ASMTL: variants seen among roughly 807,000 people sequenced by gnomAD.
ASMTL encodes probable bifunctional dTTP/UTP pyrophosphatase/methyltransferase protein.
A neutral mutation model predicts 60.3 loss-of-function variants in ASMTL; 57 were observed. The observed-to-expected ratio is 0.95, with a 90% CI of 0.76 to 1.18. ASMTL has a LOEUF of 1.18. Among genes scored for constraint, ASMTL ranks in the 50% most tolerant of loss-of-function variants. The pLI is 0.00. For synonymous variants in ASMTL, 419 were observed against 373.0 expected, an observed-to-expected ratio of 1.12 and a Z score of -1.42; for missense variants, 981 against 852.6, an observed-to-expected ratio of 1.15 and a Z score of -1.88.
chrX:1,412,497 G>T lies in ASMTL; in HGVS notation c.1645+235C>A, dbSNP rs764305984. Reference sequence around the variant, plus strand: ...CCTGCCTCAGCCTCCCAAAGTGCTGGGATTATAGGCATGAGCCACCACGCC... The same window carrying T: ...CCTGCCTCAGCCTCCCAAAGTGCTGTGATTATAGGCATGAGCCACCACGCC... On this transcript the variant is annotated intron_variant, in intron 12 of 12. Coordinates refer to ENST00000381317, the MANE Select transcript of ASMTL (RefSeq NM_004192.4). Among the ~76,000 whole-genome samples the T allele has an allele frequency of 2.6e-5, 4 of 152,258 alleles. No individual in the cohort carries two copies. The South Asian group carries it at 8.3e-4, about 32-fold the overall frequency.
chrX:1,417,187 A>AACCACT (rs2090316373), intron 11 of ASMTL, among the ~76,000 whole-genome samples: 3 of 152,040 alleles, frequency 2.0e-5, no homozygotes, highest in African/African-American at 7.2e-5. Context: ...GCATGCACAC[A>AACCACT]GATGCAGACG....
At chrX:1,414,723 C>G (rs113491983) in intron 11 of ASMTL, among the ~76,000 whole-genome samples, 15,328 of 152,004 alleles carry the variant, frequency 0.1, 908 homozygotes, top group Admixed American at 0.14. Flanking sequence ...AAATAAATTT[C>G]AGCATTTCTG....
rs375479988 is a variant in ASMTL at position 1,432,298 on chromosome X, G to A, written c.480C>T (p.Leu160=). The A allele has an allele frequency of 6.2e-7, 1 of 1,612,322 alleles. No homozygotes were observed. The highest frequency in any genetic ancestry group is 8.5e-7 in the Non-Finnish European group (1 of 1,179,432). The part of the protein sequence containing the change: ...VKFSELSEEL[L]WEYVHSGEPM... ...GCTCCCCGCTGTGGACGTATTCCCA[G>A]AGCAGCTCCTCGGACAGCTCCGAGA... Residue 160 remains leucine, a synonymous_variant, in exon 6 of 13, where the codon CTC becomes CTT. Coordinates refer to ENST00000381317, the MANE Select transcript of ASMTL (RefSeq NM_004192.4).
chrX:1,419,930 T>C (rs1178943691), intron 9 of ASMTL, among the ~76,000 whole-genome samples: 1 of 152,102 alleles, frequency 6.6e-6, no homozygotes, highest in Admixed American at 6.5e-5. Context: ...CTTTCTCCCT[T>C]GGTCTCTGTC....
At chrX:1,423,503 G>A (rs1479596525) in intron 8 of ASMTL, among the ~76,000 whole-genome samples, 3 of 152,004 alleles carry the variant, frequency 2.0e-5, no homozygotes, top group East Asian at 3.8e-4. Context: ...CCATGCTGAA[G>A]AGTTCTGTTC....
chrX:1,435,066 T>G lies in ASMTL; in HGVS notation c.356A>C (p.His119Pro). 6.2e-7 allele frequency: 1 copy of G among 1,613,986 alleles called. No individual in the cohort carries two copies. Among genetic ancestry groups the G allele is most frequent in the Non-Finnish European group, 8.5e-7 (1 of 1,179,864 alleles). Residue 119 changes from histidine (H) to proline (P), a missense_variant, in exon 5 of 13, where the codon CAC becomes CCC. His to Pro is a moderately conservative substitution (Grantham distance 77). Coordinates refer to ENST00000381317, the MANE Select transcript of ASMTL (RefSeq NM_004192.4). The part of the protein sequence containing the change: ...RMLSRLSGRE[H>P]SVFTGVAIVH... ...GATCGCGACACCTGTGAACACGCTG[T>G]GTTCTCTCCCACTCAACCTGTAAGA... is the stretch of plus-strand genomic sequence containing the variant.
chrX:1,427,906 T>C lies in ASMTL; in HGVS notation c.725A>G (p.Glu242Gly). 1.9e-6 allele frequency: 3 copies of C among 1,613,244 alleles called. No homozygotes were observed. Among genetic ancestry groups the C allele is most frequent in the Non-Finnish European group, 1.7e-6 (2 of 1,179,812 alleles). Residue 242 changes from glutamate to glycine, a missense_variant, in exon 7 of 13, where the codon GAG (glutamate) becomes GGG (glycine). Coordinates refer to ENST00000381317, the MANE Select transcript of ASMTL (RefSeq NM_004192.4). The stretch of plus-strand genomic sequence containing the variant: ...CTGAGTGGGCTCCGAGCCGCCCCCC[T>C]CCACGTCACTGAGGTCTTCGAAGGT... ...ADTFEDLSDV[E>G]GGGSEPTQRD...
At chrX:1,443,632 GTGGACAGACACCGCCATCA>G (rs1245399204) in intron 1 of ASMTL, among the ~76,000 whole-genome samples, 140,205 of 145,036 alleles carry the variant, frequency 0.97, 68,092 homozygotes, top group Non-Finnish European at 1. Flanking sequence ...CACCGCCATC[GTGGACAGACACCGCCATCA>G]TGGACACACA....
chrX:1,453,062 G>C, upstream of ASMTL: 1 of 521,226 alleles, frequency 1.9e-6, no homozygotes, highest in Non-Finnish European at 3.2e-6. Flanking sequence ...CCTCGCCCAG[G>C]CCACACCTCC....
chrX:1,422,969 T>G (rs2090520114), intron 8 of ASMTL, among the ~76,000 whole-genome samples: 1 of 152,148 alleles, frequency 6.6e-6, no homozygotes, highest in South Asian at 2.1e-4. Flanking sequence ...TTAATTTTTT[T>G]TGAGATGGAG....
intron 6 of ASMTL, among the ~76,000 whole-genome samples, chrX:1,431,206 ATAAT>A (rs751652520): frequency 0.042 from 5,295 of 125,658 alleles, 157 homozygotes; most frequent in Non-Finnish European, 0.06. Flanking sequence ...TATATCATTT[ATAAT>A]TAATTATATA....
At chrX:1,443,299 A>G (rs1489037403) in intron 1 of ASMTL, among the ~76,000 whole-genome samples, 2 of 12,644 alleles carry the variant, frequency 1.6e-4, no homozygotes, top group African/African-American at 2.2e-4. Flanking sequence ...ACACACCGCC[A>G]TCTTGGACAC....
intron 5 of ASMTL, among the ~76,000 whole-genome samples, chrX:1,433,629 G>T (rs757211885): frequency 6.6e-6 from 1 of 151,486 alleles, no homozygotes; most frequent in Non-Finnish European, 1.5e-5. Context: ...GCAGTGAGCC[G>T]AGATGGCGCA....
At chrX:1,417,612 GACAC>G (rs780702844) in intron 11 of ASMTL, among the ~76,000 whole-genome samples, 204 of 149,468 alleles carry the variant, frequency 1.4e-3, no homozygotes, top group African/African-American at 3.9e-3. Flanking sequence ...CACAGATGCA[GACAC>G]ACACACACAG....
intron 5 of ASMTL, among the ~76,000 whole-genome samples, chrX:1,433,270 T>C (rs761222599): frequency 6.6e-5 from 10 of 151,900 alleles, no homozygotes; most frequent in Non-Finnish European, 1.3e-4. Context: ...AGGGGCCTTT[T>C]GGAAAGGGCA....
chrX:1,437,338 A>C (rs2090992669), intron 3 of ASMTL, among the ~76,000 whole-genome samples: 1 of 148,262 alleles, frequency 6.7e-6, no homozygotes, highest in South Asian at 2.1e-4. Context: ...TCAGGCTGCT[A>C]AAACAATACT....
At chrX:1,418,905 T>C in intron 10 of ASMTL, 77 bp downstream of exon 10, 1 of 1,573,308 alleles carries the variant, frequency 6.4e-7, no homozygotes, top group Non-Finnish European at 8.7e-7. Flanking sequence ...AGGCAGTTGG[T>C]AGGTGTCCTG....
At position 1,421,643 on chromosome X, in the gene ASMTL, G is replaced by A; in HGVS notation, c.1245+15C>T. On this transcript the variant is annotated intron_variant, in intron 9 of 12. Coordinates refer to ENST00000381317, the MANE Select transcript of ASMTL (RefSeq NM_004192.4). ...CACGCTAGACGGAAAGGTGTCCGCG[G>A]GGGTGTTATGCTACCTGGAACAGAT... is the stretch of plus-strand genomic sequence containing the variant. 1.2e-6 allele frequency: 2 copies of A among 1,613,772 alleles called. No individual in the cohort carries two copies. Among genetic ancestry groups the A allele is most frequent in the Middle Eastern group, 3.3e-4 (2 of 6,056 alleles).
chrX:1,428,414 G>A (rs1473676443), intron 6 of ASMTL, among the ~76,000 whole-genome samples: 1 of 151,796 alleles, frequency 6.6e-6, no homozygotes, highest in Non-Finnish European at 1.5e-5. Flanking sequence ...GGCCGAGACG[G>A]GTGGATTACT....
Sources: allele counts gnomAD v4.1 joint callset (sites outside exome capture counted in the v4.1 genomes callset), GRCh38; gene constraint gnomAD v4.1.1; transcripts MANE v1.5; gene names NCBI Gene and HGNC (gene_info 2026-07-23, HGNC 2026-07-21).